The following CSMD1 variants were observed in gnomAD, a reference collection of about 807,000 sequenced individuals.
The protein encoded by CSMD1 is CUB and sushi domain-containing protein 1.
CSMD1 carries 213 observed loss-of-function variants against 417.5 expected under a neutral mutation model. That is an observed-to-expected ratio of 0.51 (90% CI 0.46 to 0.57). The LOEUF (loss-of-function observed/expected upper bound fraction) is 0.57, where lower values mean the gene tolerates loss of function less well. Among genes scored for constraint, CSMD1 ranks in the 20% least tolerant of loss-of-function variants. The pLI is 0.00. For synonymous variants in CSMD1, 2,862 were observed against 1,736.8 expected (o/e 1.65, Z -16.11); for missense variants, 6,923 against 4,529.7 (o/e 1.53, Z -15.17).
intron 7 of CSMD1, among the ~76,000 whole-genome samples, chr8:3,649,609 A>G (rs1242002648): frequency 6.6e-6 from 1 of 151,886 alleles, no homozygotes; most frequent in East Asian, 1.9e-4. Context: ...AGATCTTATG[A>G]GAACTTACTC....
chr8:3,146,436 T>C (rs1464186043), intron 40 of CSMD1, among the ~76,000 whole-genome samples: 1 of 152,144 alleles, frequency 6.6e-6, no homozygotes, highest in Non-Finnish European at 1.5e-5. Context: ...CCCTATTTCA[T>C]GCATTTACAA....
intron 3 of CSMD1, among the ~76,000 whole-genome samples, chr8:4,212,776 T>C (rs962161374): frequency 9.6e-4 from 102 of 105,902 alleles, no homozygotes; most frequent in African/African-American, 3.1e-3. Flanking sequence ...TTTTTTTTTT[T>C]ACAAGCTATT....
chr8:3,184,989 G>C (rs554670983), intron 36 of CSMD1, among the ~76,000 whole-genome samples: 3 of 152,276 alleles, frequency 2.0e-5, no homozygotes, highest in Non-Finnish European at 4.4e-5. Context: ...GTCCTGGTTT[G>C]TCTCCTTTAT....
intron 1 of CSMD1, among the ~76,000 whole-genome samples, chr8:4,868,501 G>A (rs762139063): frequency 1.3e-5 from 2 of 152,010 alleles, no homozygotes; most frequent in Non-Finnish European, 2.9e-5. Context: ...CTCCCAAAGT[G>A]CTAAAATGAC....
chr8:2,945,038 G>C (rs921337880), intron 68 of CSMD1, among the ~76,000 whole-genome samples: 4 of 150,910 alleles, frequency 2.7e-5, no homozygotes, highest in African/African-American at 9.9e-5. Context: ...GCAGCTCCTA[G>C]TTAATTTCAG....
intron 3 of CSMD1, among the ~76,000 whole-genome samples, chr8:4,340,098 T>C (rs1585264792): frequency 6.6e-6 from 1 of 152,206 alleles, no homozygotes; most frequent in African/African-American, 2.4e-5. Context: ...GAAATTAGAG[T>C]TAACCTTAGA....
chr8:4,473,237 A>G (rs1478158713), intron 2 of CSMD1, among the ~76,000 whole-genome samples: 2 of 152,200 alleles, frequency 1.3e-5, no homozygotes, highest in Non-Finnish European at 2.9e-5. Context: ...ATTTTAAGCC[A>G]TTTTGTAAAA....
At chr8:3,263,573 A>G (rs897613780) in intron 26 of CSMD1, among the ~76,000 whole-genome samples, 7 of 152,190 alleles carry the variant, frequency 4.6e-5, no homozygotes, top group African/African-American at 1.7e-4. Context: ...TAATTTTTGA[A>G]ATTTCTTACA....
At chr8:4,446,902 T>C (rs1242230198) in intron 2 of CSMD1, among the ~76,000 whole-genome samples, 2 of 150,294 alleles carry the variant, frequency 1.3e-5, no homozygotes, top group African/African-American at 4.9e-5. Context: ...ATTACAGGCG[T>C]GAGCCATTGC....
chr8:4,387,159 G>T (rs1035141323), intron 3 of CSMD1, among the ~76,000 whole-genome samples: 2 of 152,178 alleles, frequency 1.3e-5, no homozygotes, highest in African/African-American at 4.8e-5. Flanking sequence ...TTTGGAAAAT[G>T]AGTTAACACA....
intron 3 of CSMD1, among the ~76,000 whole-genome samples, chr8:4,259,225 G>A (rs548966983): frequency 1.3e-5 from 2 of 152,130 alleles, no homozygotes; most frequent in African/African-American, 4.8e-5. Context: ...AAATCGCAGA[G>A]AGAATGCGGG....
chr8:3,943,155 T>C lies in CSMD1; in HGVS notation c.818+54748A>G, dbSNP rs1457138770. The stretch of plus-strand genomic sequence containing the variant: ...AGCTGAATGCATTGTTATCTTATGA[T>C]AAATAATATAAAAATGACTCAATTG... On this transcript the variant is annotated intron_variant, in intron 5 of 69. Transcript: ENST00000635120. 5.3e-5 allele frequency among the ~76,000 whole-genome samples: 8 copies of C among 152,164 alleles called. No homozygotes were observed. The East Asian group carries it at 1.2e-3, about 22-fold the overall frequency.
intron 49 of CSMD1, among the ~76,000 whole-genome samples, chr8:3,055,734 C>T (rs1234582608): frequency 6.6e-6 from 1 of 152,152 alleles, no homozygotes; most frequent in Non-Finnish European, 1.5e-5. Context: ...TATTATATGT[C>T]CCAGCAGCTT....
rs536507789 is a variant in CSMD1, at chr8:4,939,792, G to T, written c.85+54540C>A. Among the ~76,000 whole-genome samples the T allele has an allele frequency of 2.0e-5, 3 of 152,214 alleles. No homozygotes were observed. The East Asian group carries it at 5.8e-4, about 29-fold the overall frequency. On this transcript the variant is annotated intron_variant, in intron 1 of 69. Transcript: ENST00000635120. Reference sequence around the variant, plus strand: ...CTACTTGAAAACTGTTAATAGAGTCGATTTTAAGTGTTCTCATCACAAAAA... The same window carrying T: ...CTACTTGAAAACTGTTAATAGAGTCTATTTTAAGTGTTCTCATCACAAAAA...
At chr8:4,917,352 G>T (rs1246394678) in intron 1 of CSMD1, among the ~76,000 whole-genome samples, 2 of 152,128 alleles carry the variant, frequency 1.3e-5, no homozygotes. Flanking sequence ...ATGAGATTTG[G>T]GGCAGGGTGC....
At chr8:3,072,090 T>C (rs1374554113) in intron 49 of CSMD1, among the ~76,000 whole-genome samples, 1 of 152,226 alleles carries the variant, frequency 6.6e-6, no homozygotes, top group African/African-American at 2.4e-5. Context: ...AAATCAATAG[T>C]ACCTCAGAAA....
At chr8:4,044,071 T>A (rs1798026907) in intron 3 of CSMD1, among the ~76,000 whole-genome samples, 4 of 152,180 alleles carry the variant, frequency 2.6e-5, no homozygotes, top group African/African-American at 9.6e-5. Flanking sequence ...TCCTGTCTTT[T>A]CTTGCCCATT....
Position 4,452,630 on chromosome 8 carries a change from A to C in CSMD1, c.303-32565T>G, listed in dbSNP as rs368575036. On this transcript the variant is annotated intron_variant, in intron 2 of 69. Coordinates refer to ENST00000635120, the MANE Select transcript of CSMD1 (RefSeq NM_033225.6). ...ATAATAGTTTTTATGTGAAGTGCAC[A>C]ATGAAAAATTCTTGAGTGAAACGTA... Among the ~76,000 whole-genome samples the C allele has an allele frequency of 9.9e-5, 15 of 151,988 alleles. No homozygotes were observed. The East Asian group carries it at 1.7e-3, about 18-fold the overall frequency.
chr8:3,424,230 T>G (rs1265565170), intron 12 of CSMD1, among the ~76,000 whole-genome samples: 2 of 152,190 alleles, frequency 1.3e-5, no homozygotes, highest in East Asian at 3.9e-4. Context: ...AAGAGCATAA[T>G]GAAATACACC....
Sources: allele counts gnomAD v4.1 joint callset (sites outside exome capture counted in the v4.1 genomes callset), GRCh38; gene constraint gnomAD v4.1.1; transcripts MANE v1.5; gene names NCBI Gene and HGNC (gene_info 2026-07-23, HGNC 2026-07-21).